The following PKHD1L1 variants were observed in gnomAD, a reference collection of about 807,000 sequenced individuals.
PKHD1L1 encodes the protein fibrocystin-L.
A neutral mutation model predicts 462.9 loss-of-function variants in PKHD1L1; 434 were observed. The observed-to-expected ratio is 0.94, with a 90% CI of 0.87 to 1.02. The LOEUF (loss-of-function observed/expected upper bound fraction) is 1.02, where lower values mean the gene tolerates loss of function less well. PKHD1L1 is among the 50% of genes least tolerant of loss of function. PKHD1L1 has a pLI of 0.00. For missense variants in PKHD1L1, 5,202 were observed against 5,096.1 expected (o/e 1.02, Z -0.63); for synonymous variants, 1,781 against 1,750.0 (o/e 1.02, Z -0.44).
chr8:109,491,210 T>C (rs546515960), intron 61 of PKHD1L1, 109 bp downstream of exon 61: 54 of 1,173,200 alleles, frequency 4.6e-5, no homozygotes, highest in South Asian at 4.6e-4. Context: ...ATGGAAATGG[T>C]CTATATTTCT....
intron 6 of PKHD1L1, among the ~76,000 whole-genome samples, chr8:109,388,205 C>A (rs1458447412): frequency 2.0e-5 from 3 of 152,104 alleles, no homozygotes; most frequent in Admixed American, 1.3e-4. Flanking sequence ...CTCTAACACA[C>A]CAAATATGTT....
rs1199491344 is a variant in PKHD1L1, at chr8:109,429,355, A to G, written c.3016A>G (p.Ile1006Val). Residue 1006 changes from isoleucine (I) to valine (V), a missense_variant, in exon 26 of 78, where the codon ATT (isoleucine) becomes GTT (valine). Transcript: ENST00000378402. ...GTAAAAATAGATTAATGATTCCAAC[A>G]TTATTGGAGAAAAGGCTAATATGAC... ...QNLLQINDSNIIGEKANMTVT... is the reference protein window; with the variant it reads ...QNLLQINDSNVIGEKANMTVT... 4 of 1,526,450 alleles carry G rather than the reference A, an allele frequency of 2.6e-6. No homozygotes were observed. The highest frequency in any genetic ancestry group is 2.7e-6 in the Non-Finnish European group (3 of 1,115,072). 94.6% of individuals were successfully genotyped at this position (1,526,450 alleles called of 1,614,324 possible).
intron 32 of PKHD1L1, among the ~76,000 whole-genome samples, chr8:109,439,720 CTGTT>C (rs1484644849): frequency 3.3e-5 from 5 of 152,026 alleles, no homozygotes; most frequent in African/African-American, 1.2e-4. Context: ...TTCCCTGAAA[CTGTT>C]TGTTAACTGA....
chr8:109,500,327 A>G lies in PKHD1L1; in HGVS notation c.10828+1556A>G, dbSNP rs1819336251. Among the ~76,000 whole-genome samples, 3 of 151,588 alleles carry G rather than the reference A, an allele frequency of 2.0e-5. No homozygotes were observed. In the South Asian group the frequency reaches 6.2e-4, roughly 32 times the overall value. On this transcript the variant is annotated intron_variant, in intron 67 of 77. Transcript: ENST00000378402. Reference sequence around the variant, plus strand: ...TAAATTTCTGTCTTCCTTGGTTAACACTTCTGCTTGTCAAGATGGCTTGCC... The same window carrying G: ...TAAATTTCTGTCTTCCTTGGTTAACGCTTCTGCTTGTCAAGATGGCTTGCC...
At chr8:109,510,404 C>G (rs1819909792) in intron 70 of PKHD1L1, among the ~76,000 whole-genome samples, 1 of 152,084 alleles carries the variant, frequency 6.6e-6, no homozygotes, top group African/African-American at 2.4e-5. Flanking sequence ...AAGAAAGAAT[C>G]AAGCATTTTC....
At chr8:109,385,942 G>C (rs1356386756) in intron 6 of PKHD1L1, among the ~76,000 whole-genome samples, 2 of 152,030 alleles carry the variant, frequency 1.3e-5, no homozygotes, top group Non-Finnish European at 2.9e-5. Context: ...TATTACTAGA[G>C]GTCTTTATTA....
At chr8:109,370,841 T>G (rs1431293058) in intron 2 of PKHD1L1, among the ~76,000 whole-genome samples, 1 of 152,212 alleles carries the variant, frequency 6.6e-6, no homozygotes, top group African/African-American at 2.4e-5. Context: ...CATGAACTCA[T>G]CAATTTTTAT....
Position 109,452,833 on chromosome 8 carries a change from T to A in PKHD1L1, c.6623T>A (p.Leu2208Gln). 1 of 1,523,946 alleles carries A rather than the reference T, an allele frequency of 6.6e-7. No individual in the cohort carries two copies. The highest frequency in any genetic ancestry group is 2.3e-5 in the Admixed American group (1 of 43,668). The allele number at this position is 1,523,946 out of a possible 1,614,324, so 94.4% of individuals were successfully genotyped here. Reference protein sequence around the residue: ...VVITKGQTILLDQSTPILKML... With the variant: ...VVITKGQTILQDQSTPILKML... Reference sequence around the variant, plus strand: ...ATTACAAAAGGACAGACCATTCTGCTGGATCAAAGCACCCCTATTTTGAAA... The same window carrying A: ...ATTACAAAAGGACAGACCATTCTGCAGGATCAAAGCACCCCTATTTTGAAA... The change falls in exon 43 of 78, where the codon CTG becomes CAG. Residue 2208 changes from leucine to glutamine, a missense_variant. Transcript: ENST00000378402.
chr8:109,459,718 A>G lies in PKHD1L1; in HGVS notation c.7128A>G (p.Gly2376=). Residue 2376 remains glycine (G), a synonymous_variant, in exon 47 of 78, where the codon GGA becomes GGG. Coordinates refer to ENST00000378402, the MANE Select transcript of PKHD1L1 (RefSeq NM_177531.6). ...GAATTACGGTCACACTCCCTGATGG[A>G]ACTCTGTTTGAAGCAAGAGCAGAAG... ...HLGITVTLPD[G]TLFEARAEVG... 1.2e-6 allele frequency: 2 copies of G among 1,612,130 alleles called. No homozygotes were observed. The highest frequency in any genetic ancestry group is 2.7e-5 in the African/African-American group (2 of 74,946).
chr8:109,373,168 G>A lies in PKHD1L1; in HGVS notation c.164-8202G>A, dbSNP rs1159505466. ...TTTGGTTGGTAAGCTATTAATTATT[G>A]CCTCAATTTCAGAGCCTGTTATTGG... is the stretch of plus-strand genomic sequence containing the variant. On this transcript the variant is annotated intron_variant, in intron 2 of 77. Coordinates refer to ENST00000378402, the MANE Select transcript of PKHD1L1 (RefSeq NM_177531.6). Among the ~76,000 whole-genome samples the A allele has an allele frequency of 9.9e-5, 15 of 152,200 alleles. No individual in the cohort carries two copies. In the East Asian group the frequency reaches 2.7e-3, roughly 27 times the overall value.
intron 2 of PKHD1L1, among the ~76,000 whole-genome samples, chr8:109,370,243 C>T (rs945468903): frequency 7.9e-5 from 12 of 152,122 alleles, no homozygotes; most frequent in Admixed American, 7.2e-4. Flanking sequence ...TTCAACCTCC[C>T]GAGTAGCTGG....
intron 67 of PKHD1L1, among the ~76,000 whole-genome samples, chr8:109,500,520 C>CAA (rs542817713): frequency 6.4e-4 from 28 of 43,688 alleles, no homozygotes; most frequent in East Asian, 3.1e-3. Flanking sequence ...ACTAAAAATA[C>CAA]AAAAAAAAAA....
At chr8:109,391,908 T>C (rs1466848753) in intron 9 of PKHD1L1, among the ~76,000 whole-genome samples, 3 of 152,158 alleles carry the variant, frequency 2.0e-5, no homozygotes. Context: ...TTATAACAAA[T>C]TGATGCCTGG....
chr8:109,372,853 G>T (rs1165155283), intron 2 of PKHD1L1, among the ~76,000 whole-genome samples: 1 of 152,180 alleles, frequency 6.6e-6, no homozygotes, highest in Non-Finnish European at 1.5e-5. Flanking sequence ...CAGGGATGAA[G>T]CCCACTTGAT....
intron 21 of PKHD1L1, among the ~76,000 whole-genome samples, chr8:109,414,317 T>C (rs1814014782): frequency 6.6e-6 from 1 of 152,194 alleles, no homozygotes; most frequent in Non-Finnish European, 1.5e-5. Flanking sequence ...AAATTCACTC[T>C]TTTTAAGTGC....
intron 6 of PKHD1L1, among the ~76,000 whole-genome samples, chr8:109,386,485 C>A (rs896718996): frequency 1.3e-5 from 2 of 152,104 alleles, no homozygotes; most frequent in Non-Finnish European, 2.9e-5. Flanking sequence ...TATACACACA[C>A]ATACAAATAC....
At position 109,442,969 on chromosome 8, in the gene PKHD1L1, T is replaced by G. The variant is rs1165106310; in HGVS notation, c.4417T>G (p.Ser1473Ala). The change falls in exon 36 of 78, where the codon TCT becomes GCT. Residue 1473 changes from serine (S) to alanine (A), a missense_variant. This residue lies in a region of PKHD1L1 where 4,497 missense variants were observed against 4,336.8 expected (regional missense o/e 1.04). Coordinates refer to ENST00000378402, the MANE Select transcript of PKHD1L1 (RefSeq NM_177531.6). Reference protein sequence around the residue: ...TSGSFSYQFTSPGIHYYSSGY... With the variant: ...TSGSFSYQFTAPGIHYYSSGY... Reference sequence around the variant, plus strand: ...AGGTTCATTTTCTTACCAATTTACTTCTCCTGGAATCCATTATTATAGCAG... The same window carrying G: ...AGGTTCATTTTCTTACCAATTTACTGCTCCTGGAATCCATTATTATAGCAG... 6.2e-7 allele frequency: 1 copy of G among 1,613,358 alleles called. No homozygotes were observed. Among genetic ancestry groups the G allele is most frequent in the Non-Finnish European group, 8.5e-7 (1 of 1,179,456 alleles).
At chr8:109,440,551 C>T (rs923564853) in intron 32 of PKHD1L1, among the ~76,000 whole-genome samples, 159 bp from the exon 33 acceptor site, 5 of 151,902 alleles carry the variant, frequency 3.3e-5, no homozygotes, top group Non-Finnish European at 7.4e-5. Context: ...CCAATCAAAT[C>T]GAGATTATGA....
At chr8:109,416,742 G>C (rs1441761954) in intron 21 of PKHD1L1, among the ~76,000 whole-genome samples, 2 of 152,166 alleles carry the variant, frequency 1.3e-5, no homozygotes, top group South Asian at 4.1e-4. Flanking sequence ...CCCTGCCTCT[G>C]TTAGGTGGCA....
Sources: allele counts gnomAD v4.1 joint callset (sites outside exome capture counted in the v4.1 genomes callset), GRCh38; gene constraint gnomAD v4.1.1; regional missense constraint gnomAD v4.1.1; transcripts MANE v1.5; gene names NCBI Gene and HGNC (gene_info 2026-07-23, HGNC 2026-07-21).